ADARB1: variants seen among roughly 807,000 people sequenced by gnomAD.
ADARB1 encodes the protein double-stranded RNA-specific editase 1.
A neutral mutation model predicts 52.4 loss-of-function variants in ADARB1; 10 were observed. The observed-to-expected ratio is 0.19, with a 90% CI of 0.12 to 0.32. The LOEUF (loss-of-function observed/expected upper bound fraction) is 0.32. Ranked by LOEUF, ADARB1 falls within the 10% of genes least tolerant of loss-of-function variation. The pLI is 1.00. For missense variants in ADARB1, 643 were observed against 922.3 expected, an observed-to-expected ratio of 0.70 and a Z score of 3.92; for synonymous variants, 349 against 371.1, an observed-to-expected ratio of 0.94 and a Z score of 0.68.
intron 1 of ADARB1, among the ~76,000 whole-genome samples, chr21:45,127,086 A>G (rs1036224083): frequency 6.6e-6 from 1 of 152,190 alleles, no homozygotes; most frequent in Admixed American, 6.5e-5. Context: ...GCTAGGTGCC[A>G]TCTCCAGAGA....
rs1327452302 is a variant in ADARB1, at chr21:45,142,280, G to A, written c.-48+13707G>A. Among the ~76,000 whole-genome samples, 4 of 152,218 alleles carry A rather than the reference G, an allele frequency of 2.6e-5. No homozygotes were observed. The highest frequency in any genetic ancestry group is 2.6e-4 in the Admixed American group (4 of 15,288). On this transcript the variant is annotated intron_variant, in intron 2 of 10. Coordinates refer to ENST00000348831, the MANE Select transcript of ADARB1 (RefSeq NM_001112.4). The surrounding 1 kb of genome is among the most constrained non-coding windows in gnomAD (Gnocchi z 4.0). ...CACCCGCTATACTCATTTGAGAAGTGTAGACTTTGATTTTTAACCCTAAGT... is the reference window on the plus strand; with the variant it reads ...CACCCGCTATACTCATTTGAGAAGTATAGACTTTGATTTTTAACCCTAAGT...
intron 1 of ADARB1, among the ~76,000 whole-genome samples, chr21:45,120,207 G>A (rs1170524922): frequency 6.6e-6 from 1 of 152,208 alleles, no homozygotes; most frequent in African/African-American, 2.4e-5. Flanking sequence ...TGGGTTTTGG[G>A]TCATCTCACA....
chr21:45,138,649 C>T (rs545610615), intron 2 of ADARB1, among the ~76,000 whole-genome samples: 3 of 152,282 alleles, frequency 2.0e-5, no homozygotes, highest in South Asian at 2.1e-4. Context: ...CAGCTTTAGT[C>T]ACAAAAGAGA....
At chr21:45,130,524 A>G (rs1331690202) in intron 2 of ADARB1, among the ~76,000 whole-genome samples, 4 of 152,190 alleles carry the variant, frequency 2.6e-5, no homozygotes, top group African/African-American at 9.7e-5. Context: ...ATAAAATAAG[A>G]GCTAATTTCG....
At chr21:45,108,301 AAAT>A (rs1277593982) in intron 1 of ADARB1, among the ~76,000 whole-genome samples, 1 of 152,224 alleles carries the variant, frequency 6.6e-6, no homozygotes, top group African/African-American at 2.4e-5. Flanking sequence ...ACAGATGTGC[AAAT>A]AATCAAAAGT....
At chr21:45,170,571 A>G (rs1439269780) in intron 2 of ADARB1, among the ~76,000 whole-genome samples, 1 of 151,622 alleles carries the variant, frequency 6.6e-6, no homozygotes, top group Non-Finnish European at 1.5e-5. Context: ...ATGAAAAACT[A>G]TATATATAAA....
intron 2 of ADARB1, among the ~76,000 whole-genome samples, chr21:45,168,093 T>TA (rs1032617392): frequency 1.3e-5 from 2 of 152,192 alleles, no homozygotes; most frequent in Non-Finnish European, 2.9e-5. Context: ...TGCATTTCCC[T>TA]AGTGACTCGT....
At chr21:45,116,941 A>G (rs1435555789) in intron 1 of ADARB1, 1 of 151,768 alleles carries the variant, frequency 6.6e-6, no homozygotes, top group African/African-American at 2.4e-5. Flanking sequence ...AGCATAATTG[A>G]TATACTGTGG....
At chr21:45,100,900 G>A (rs1290917373) in intron 1 of ADARB1, 1 of 152,720 alleles carries the variant, frequency 6.5e-6, no homozygotes, top group African/African-American at 2.4e-5. Context: ...GGAGCTCGAT[G>A]CTGGGCAGGG....
chr21:45,129,958 G>T (rs1005183451), intron 2 of ADARB1, among the ~76,000 whole-genome samples: 6 of 152,214 alleles, frequency 3.9e-5, no homozygotes, highest in South Asian at 4.2e-4. Flanking sequence ...GCTTTTTTTG[G>T]GGGGGTACAC....
chr21:45,074,734 C>T lies in ADARB1; in HGVS notation c.-279C>T, dbSNP rs2085841778. ...AGGCAGAGCGCCGCCCGGCGCGAGA[C>T]TGCGGCCGAAGCGTGGGGCGCGCGT... On this transcript the variant is annotated 5_prime_UTR_variant, in exon 1 of 11. Coordinates refer to ENST00000348831, the MANE Select transcript of ADARB1 (RefSeq NM_001112.4). 2.7e-5 allele frequency: 4 copies of T among 146,644 alleles called. No individual in the cohort carries two copies. In the South Asian group the frequency reaches 7.6e-4, roughly 28 times the overall value. The allele number at this position is 146,644 out of a possible 1,614,324, so 9.1% of individuals were successfully genotyped here. A position where few individuals can be genotyped will look rare whatever the true frequency, so the allele number is the denominator to read the frequency against.
intron 2 of ADARB1, chr21:45,146,076 C>T (rs1037781425): frequency 2.2e-5 from 3 of 137,160 alleles, no homozygotes; most frequent in Admixed American, 2.2e-4. Context: ...CCGGGATTAC[C>T]TACGGCCAGA....
chr21:45,221,072 C>A lies in ADARB1; in HGVS notation c.1926+58C>A. 6.6e-7 allele frequency: 1 copy of A among 1,523,182 alleles called. No individual in the cohort carries two copies. The highest frequency in any genetic ancestry group is 8.9e-7 in the Non-Finnish European group (1 of 1,128,062). The allele number at this position is 1,523,182 out of a possible 1,614,324, so 94.4% of individuals were successfully genotyped here. On this transcript the variant is annotated intron_variant, in intron 10 of 10. Coordinates refer to ENST00000348831, the MANE Select transcript of ADARB1 (RefSeq NM_001112.4). The surrounding 1 kb of genome is among the most constrained non-coding windows in gnomAD (Gnocchi z 4.9). ...TCCACCTCCCCAATAGCTTGTCTGTCCTCACACCTACTGTTCCTTAAGTTG... is the reference window on the plus strand; with the variant it reads ...TCCACCTCCCCAATAGCTTGTCTGTACTCACACCTACTGTTCCTTAAGTTG...
intron 1 of ADARB1, among the ~76,000 whole-genome samples, chr21:45,106,253 T>C (rs2087253538): frequency 6.6e-6 from 1 of 151,794 alleles, no homozygotes; most frequent in South Asian, 2.1e-4. Context: ...TTTAAAGCCT[T>C]TTTATGATAT....
At chr21:45,122,483 A>C (rs2088258634) in intron 1 of ADARB1, among the ~76,000 whole-genome samples, 1 of 152,166 alleles carries the variant, frequency 6.6e-6, no homozygotes, top group Non-Finnish European at 1.5e-5. Flanking sequence ...CCCATTGTGG[A>C]AACCCCTTCA....
At chr21:45,162,387 T>A (rs955159924) in intron 2 of ADARB1, among the ~76,000 whole-genome samples, 5 of 152,026 alleles carry the variant, frequency 3.3e-5, no homozygotes, top group African/African-American at 1.2e-4. Flanking sequence ...GCCCACTCAC[T>A]CACACACCCC....
chr21:45,184,854 G>A (rs2146219744), intron 7 of ADARB1, 69 bp from the exon 8 acceptor site: 1 of 1,453,812 alleles, frequency 6.9e-7, no homozygotes, highest in African/African-American at 1.4e-5. Flanking sequence ...GCTATTGTTA[G>A]ATGTGCTTTT....
intron 2 of ADARB1, among the ~76,000 whole-genome samples, chr21:45,143,668 C>G (rs2089855521): frequency 6.6e-6 from 1 of 152,212 alleles, no homozygotes; most frequent in Non-Finnish European, 1.5e-5. Flanking sequence ...GTTAACTGTG[C>G]TGCTGTCAGA....
chr21:45,183,336 T>C, intron 6 of ADARB1, 26 bp from the exon 7 acceptor site: 1 of 1,590,850 alleles, frequency 6.3e-7, no homozygotes, highest in Non-Finnish European at 8.5e-7. Flanking sequence ...CTTTAAATGT[T>C]ACTTTTGCAA....
Sources: allele counts gnomAD v4.1 joint callset (sites outside exome capture counted in the v4.1 genomes callset), GRCh38; gene constraint gnomAD v4.1.1; non-coding constraint Gnocchi (gnomAD v3.1); transcripts MANE v1.5; gene names NCBI Gene and HGNC (gene_info 2026-07-23, HGNC 2026-07-21).